The following STAU2 variants were observed in gnomAD, a reference collection of about 807,000 sequenced individuals.
STAU2 encodes double-stranded RNA-binding protein Staufen homolog 2.
STAU2 carries 20 observed loss-of-function variants against 65.9 expected under a neutral mutation model. The ratio of observed to expected loss-of-function variants is 0.30; its 90% CI spans 0.21 to 0.44. The LOEUF (loss-of-function observed/expected upper bound fraction) is 0.44, where lower values mean the gene tolerates loss of function less well. STAU2 is among the 20% of genes least tolerant of loss of function. STAU2 has a pLI of 1.00. For synonymous variants in STAU2, 232 were observed against 233.9 expected (o/e 0.99, Z 0.07); for missense variants, 558 against 683.9 (o/e 0.82, Z 2.05).
chr8:73,556,008 C>T (rs1807732795), intron 12 of STAU2, among the ~76,000 whole-genome samples: 2 of 152,092 alleles, frequency 1.3e-5, no homozygotes, highest in South Asian at 2.1e-4. Context: ...AGCCAGAGGA[C>T]ATTACTTTCA....
chr8:73,584,515 G>A (rs1182196738), intron 11 of STAU2, among the ~76,000 whole-genome samples: 1 of 152,188 alleles, frequency 6.6e-6, no homozygotes, highest in Admixed American at 6.5e-5. Context: ...CAAGCAAACA[G>A]GGTTAGAGTT....
chr8:73,669,406 A>G (rs1340794153), intron 6 of STAU2, among the ~76,000 whole-genome samples: 1 of 152,218 alleles, frequency 6.6e-6, no homozygotes, highest in Non-Finnish European at 1.5e-5. Context: ...CAACAACCAT[A>G]AGAATTAGAT....
intron 3 of STAU2, among the ~76,000 whole-genome samples, chr8:73,718,907 A>C (rs1033781768): frequency 2.0e-5 from 3 of 152,178 alleles, no homozygotes; most frequent in Non-Finnish European, 4.4e-5. Context: ...TGCTATAGTA[A>C]TTTATTAGTT....
chr8:73,514,260 AG>A (rs1442148744), intron 13 of STAU2, among the ~76,000 whole-genome samples: 1 of 152,192 alleles, frequency 6.6e-6, no homozygotes, highest in African/African-American at 2.4e-5. Flanking sequence ...CAAGGTGATC[AG>A]TATCCATTCC....
intron 6 of STAU2, among the ~76,000 whole-genome samples, chr8:73,658,916 A>C (rs923407038): frequency 3.9e-5 from 5 of 129,298 alleles, no homozygotes; most frequent in Admixed American, 2.4e-4. Flanking sequence ...CCGTCTCAAA[A>C]AACAACAACA....
chr8:73,572,915 G>C (rs1448341233), intron 12 of STAU2, among the ~76,000 whole-genome samples: 1 of 151,838 alleles, frequency 6.6e-6, no homozygotes, highest in Non-Finnish European at 1.5e-5. Context: ...AGGCAGGAGA[G>C]AGAAAGAAAG....
At chr8:73,482,082 C>T (rs942325270) in intron 13 of STAU2, among the ~76,000 whole-genome samples, 2 of 152,094 alleles carry the variant, frequency 1.3e-5, no homozygotes, top group Admixed American at 1.3e-4. Flanking sequence ...TGAGCGCCTC[C>T]GAGGTGTGGG....
At chr8:73,548,906 G>T (rs907923066) in intron 13 of STAU2, among the ~76,000 whole-genome samples, 1 of 152,060 alleles carries the variant, frequency 6.6e-6, no homozygotes, top group Non-Finnish European at 1.5e-5. Flanking sequence ...TTTAAACAAA[G>T]AAACCACTTA....
At chr8:73,654,664 A>AAAAAAAAAAAAAAAAAAT (rs1554556802) in intron 6 of STAU2, among the ~76,000 whole-genome samples, 5 of 122,980 alleles carry the variant, frequency 4.1e-5, no homozygotes, top group Non-Finnish European at 8.5e-5. Flanking sequence ...AAAAAAAAGA[A>AAAAAAAAAAAAAAAAAAT]CTCTTTTAAT....
chr8:73,537,626 G>A (rs1011791214), intron 13 of STAU2, among the ~76,000 whole-genome samples: 1 of 152,120 alleles, frequency 6.6e-6, no homozygotes, highest in Admixed American at 6.5e-5. Flanking sequence ...ATATCCCTGA[G>A]GAAGAAAGGA....
intron 3 of STAU2, chr8:73,727,699 G>A (rs1805748839): frequency 6.6e-6 from 1 of 152,184 alleles, no homozygotes; most frequent in Non-Finnish European, 1.5e-5. Flanking sequence ...ATTTGTTTGA[G>A]TACCTGCTTT....
At chr8:73,600,927 G>A (rs1235864087) in intron 10 of STAU2, among the ~76,000 whole-genome samples, 1 of 152,156 alleles carries the variant, frequency 6.6e-6, no homozygotes, top group Non-Finnish European at 1.5e-5. Context: ...CATTGCCAAA[G>A]GACTTTCATT....
chr8:73,673,951 T>C (rs1348804235), intron 5 of STAU2, among the ~76,000 whole-genome samples: 1 of 152,042 alleles, frequency 6.6e-6, no homozygotes, highest in Non-Finnish European at 1.5e-5. Flanking sequence ...TTGCTTCTTT[T>C]ATTTTACTTA....
At chr8:73,677,774 T>G (rs1220232467) in intron 5 of STAU2, among the ~76,000 whole-genome samples, 16 of 152,210 alleles carry the variant, frequency 1.1e-4, no homozygotes, top group Non-Finnish European at 2.1e-4. Flanking sequence ...CTTGTCTGTA[T>G]ACAGTATTAG....
At chr8:73,428,973 G>A (rs1458707457) in intron 13 of STAU2, among the ~76,000 whole-genome samples, 1 of 152,132 alleles carries the variant, frequency 6.6e-6, no homozygotes, top group African/African-American at 2.4e-5. Context: ...GAATGGCGGC[G>A]TGCTCTCTCA....
At chr8:73,594,199 G>A (rs964359605) in intron 11 of STAU2, among the ~76,000 whole-genome samples, 17 of 152,148 alleles carry the variant, frequency 1.1e-4, no homozygotes, top group African/African-American at 4.1e-4. Flanking sequence ...AGAAGAAAAA[G>A]TGTTGACTAG....
chr8:73,613,429 C>A (rs1445330546), intron 9 of STAU2, among the ~76,000 whole-genome samples: 3 of 152,132 alleles, frequency 2.0e-5, no homozygotes, highest in African/African-American at 7.2e-5. Context: ...AAAATGAGGG[C>A]TAACATCATC....
chr8:73,429,292 G>A lies in STAU2; in HGVS notation c.1531-6590C>T, dbSNP rs16938652. 8.5e-3 allele frequency among the ~76,000 whole-genome samples: 1,289 copies of A among 151,952 alleles called. 19 individuals are homozygous for A. The highest frequency in any genetic ancestry group is 0.03 in the African/African-American group (1,241 of 41,444). On this transcript the variant is annotated intron_variant, in intron 13 of 14. Transcript: ENST00000524300. Reference sequence around the variant, plus strand: ...TGACCTGAGTTGTTATCACAGCCTTGTGAGATAGTTCCTACCCATAAGGAA... The same window carrying A: ...TGACCTGAGTTGTTATCACAGCCTTATGAGATAGTTCCTACCCATAAGGAA...
intron 6 of STAU2, among the ~76,000 whole-genome samples, chr8:73,658,012 A>C (rs1376788984): frequency 6.8e-6 from 1 of 146,346 alleles, no homozygotes; most frequent in Admixed American, 6.8e-5. Context: ...CACTCCATTA[A>C]AAAAAAAAAA....
Sources: gnomAD v4.1 joint callset for allele counts (sites outside exome capture counted in the v4.1 genomes callset) on GRCh38, gnomAD v4.1.1 for gene constraint, MANE v1.5 for transcripts, NCBI Gene and HGNC (gene_info 2026-07-23, HGNC 2026-07-21) for gene names.